GRID2: variants seen among roughly 807,000 people sequenced by gnomAD.
GRID2 encodes the protein glutamate receptor ionotropic, delta-2.
A neutral mutation model predicts 114.8 loss-of-function variants in GRID2; 33 were observed. That is an observed-to-expected ratio of 0.29 (90% CI 0.22 to 0.38). GRID2 has a LOEUF of 0.38. GRID2 is among the 10% of genes least tolerant of loss of function. The pLI, the probability that GRID2 is intolerant of heterozygous loss-of-function variation, is 1.00. For missense variants in GRID2, 1,184 were observed against 1,257.7 expected (o/e 0.94, Z 0.89); for synonymous variants, 505 against 449.9 (o/e 1.12, Z -1.55).
At chr4:92,420,099 T>C (rs567809047) in intron 1 of GRID2, among the ~76,000 whole-genome samples, 13 of 152,168 alleles carry the variant, frequency 8.5e-5, no homozygotes, top group African/African-American at 3.1e-4. Flanking sequence ...TTTTAAAAAA[T>C]TGGTTTCACA....
intron 14 of GRID2, among the ~76,000 whole-genome samples, chr4:93,630,749 G>A (rs573522594): frequency 1.1e-3 from 170 of 152,216 alleles, no homozygotes; most frequent in African/African-American, 4.1e-3. Flanking sequence ...CAGTAGCTAT[G>A]CCCTTTCTGA....
chr4:92,379,651 T>G (rs977959004), intron 1 of GRID2, among the ~76,000 whole-genome samples: 2 of 151,936 alleles, frequency 1.3e-5, no homozygotes, highest in Non-Finnish European at 2.9e-5. Context: ...ATACAGGCTC[T>G]GAAAAATGAA....
chr4:93,021,615 AT>A (rs1723330989), intron 2 of GRID2, among the ~76,000 whole-genome samples: 2 of 144,790 alleles, frequency 1.4e-5, no homozygotes, highest in Non-Finnish European at 3.0e-5. Flanking sequence ...TATTATTTAT[AT>A]ATTGTATATA....
intron 2 of GRID2, among the ~76,000 whole-genome samples, chr4:92,904,204 A>C (rs1038431748): frequency 4.6e-5 from 7 of 151,316 alleles, no homozygotes; most frequent in African/African-American, 1.7e-4. Flanking sequence ...CTTTTTTCAA[A>C]ATTTTTTCTT....
chr4:93,004,129 T>C (rs1163123141), intron 2 of GRID2, among the ~76,000 whole-genome samples: 2 of 151,914 alleles, frequency 1.3e-5, no homozygotes, highest in Non-Finnish European at 2.9e-5. Context: ...TTTCAAATAT[T>C]AGACATATCA....
chr4:92,997,212 G>T (rs999470018), intron 2 of GRID2, among the ~76,000 whole-genome samples: 2 of 152,154 alleles, frequency 1.3e-5, no homozygotes, highest in Non-Finnish European at 2.9e-5. Context: ...ATGTGTCAAG[G>T]CTGTGAAAGA....
At chr4:92,445,388 G>A (rs751735239) in intron 1 of GRID2, among the ~76,000 whole-genome samples, 12 of 152,208 alleles carry the variant, frequency 7.9e-5, no homozygotes, top group Non-Finnish European at 1.8e-4. Flanking sequence ...ATGCCTTCCA[G>A]TGAAGGTTCA....
At chr4:92,483,972 A>G (rs1579445161) in intron 1 of GRID2, among the ~76,000 whole-genome samples, 1 of 152,298 alleles carries the variant, frequency 6.6e-6, no homozygotes, top group East Asian at 1.9e-4. Flanking sequence ...GGCATAGGAA[A>G]GAAGATTAAA....
chr4:92,657,438 C>T (rs762385073), intron 2 of GRID2, among the ~76,000 whole-genome samples: 5 of 151,322 alleles, frequency 3.3e-5, no homozygotes, highest in Admixed American at 1.3e-4. Context: ...TGCGTATACT[C>T]GTGCTATGAA....
At chr4:92,845,382 C>T (rs1236927437) in intron 2 of GRID2, among the ~76,000 whole-genome samples, 1 of 152,016 alleles carries the variant, frequency 6.6e-6, no homozygotes, top group Non-Finnish European at 1.5e-5. Flanking sequence ...CTCTTTCATT[C>T]ATGAAATATC....
chr4:92,975,156 C>CAAAAAAAAAAAAAAAAAAAA (rs527770693), intron 2 of GRID2, among the ~76,000 whole-genome samples: 557 of 46,628 alleles, frequency 0.012, 119 homozygotes, highest in African/African-American at 0.023. Flanking sequence ...GATTCCGCCT[C>CAAAAAAAAAAAAAAAAAAAA]AAAAAAAAAA....
intron 14 of GRID2, among the ~76,000 whole-genome samples, chr4:93,758,436 T>A (rs889344065): frequency 7.2e-5 from 11 of 152,192 alleles, no homozygotes; most frequent in African/African-American, 2.7e-4. Context: ...CATCATAAAA[T>A]AATTCTCCCG....
intron 1 of GRID2, among the ~76,000 whole-genome samples, chr4:92,422,692 C>T (rs1731963113): frequency 1.3e-5 from 2 of 152,094 alleles, no homozygotes; most frequent in Non-Finnish European, 2.9e-5. Context: ...CAAAATATCT[C>T]AAGCACTGAT....
intron 4 of GRID2, among the ~76,000 whole-genome samples, chr4:93,187,544 T>A (rs1213935596): frequency 6.6e-6 from 1 of 152,086 alleles, no homozygotes; most frequent in African/African-American, 2.4e-5. Context: ...TCCCAATGTG[T>A]TAGCATTATA....
In GRID2 at chr4:93,767,394, A is replaced by G. The variant is rs139784867; in HGVS notation, c.2361-1816A>G. Among the ~76,000 whole-genome samples the G allele has an allele frequency of 6.0e-4, 91 of 152,336 alleles. 1 individual carries two copies. Among genetic ancestry groups the G allele is most frequent in the African/African-American group, 1.9e-3 (79 of 41,580 alleles). ...ATGGAAGCTGGAATAAGGGTGACAT[A>G]TAACCCATTAATATTCATAATCATT... On this transcript the variant is annotated intron_variant, in intron 14 of 15. Coordinates refer to ENST00000282020, the MANE Select transcript of GRID2 (RefSeq NM_001510.4).
At chr4:93,800,058 A>G (rs921337561) in intron 1 of GRID2, among the ~76,000 whole-genome samples, 3 of 152,222 alleles carry the variant, frequency 2.0e-5, no homozygotes, top group African/African-American at 7.2e-5. Flanking sequence ...TTGGATTAAT[A>G]TGTAGAGTAG....
At chr4:92,698,446 C>T (rs956222808) in intron 2 of GRID2, among the ~76,000 whole-genome samples, 12 of 151,670 alleles carry the variant, frequency 7.9e-5, no homozygotes, top group African/African-American at 2.9e-4. Flanking sequence ...CTATTAATAA[C>T]CCACTAGAAA....
intron 8 of GRID2, among the ~76,000 whole-genome samples, chr4:93,246,990 T>C (rs1253900476): frequency 1.3e-5 from 2 of 152,174 alleles, no homozygotes; most frequent in Non-Finnish European, 1.5e-5. Context: ...TCTGAGTTTC[T>C]GGAAGGGTTA....
rs35103752 is a variant in GRID2, at chr4:92,481,981, G to GATATAT, written c.89-108102_89-108097dup. Among the ~76,000 whole-genome samples, 221 of 46,850 alleles carry GATATAT rather than the reference G, an allele frequency of 4.7e-3. 1 individual carries two copies. The highest frequency in any genetic ancestry group is 6.1e-3 in the Non-Finnish European group (143 of 23,568). The allele number at this position is 46,850 out of a possible 152,430, so 30.7% of individuals were successfully genotyped here. A position where few individuals can be genotyped will look rare whatever the true frequency, so the allele number is the denominator to read the frequency against. On this transcript the variant is annotated intron_variant, in intron 1 of 15. Coordinates refer to ENST00000282020, the MANE Select transcript of GRID2 (RefSeq NM_001510.4). ...AGTGGTGGACTGGAGAATAAAATGT[G>GATATAT]ATATATATATATATATATATATATA...
Sources: gnomAD v4.1 joint callset for allele counts (sites outside exome capture counted in the v4.1 genomes callset) on GRCh38, gnomAD v4.1.1 for gene constraint, MANE v1.5 for transcripts, NCBI Gene and HGNC (gene_info 2026-07-23, HGNC 2026-07-21) for gene names.